DTNBP1: variants seen among roughly 807,000 people sequenced by gnomAD.
The protein encoded by DTNBP1 is dysbindin.
A neutral mutation model predicts 42.8 loss-of-function variants in DTNBP1; 35 were observed. That is an observed-to-expected ratio of 0.82 (90% CI 0.63 to 1.09). The LOEUF is 1.09. Among genes scored for constraint, DTNBP1 ranks in the 50% least tolerant of loss-of-function variants. The probability of loss-of-function intolerance (pLI) is 0.00; values close to 1 mark genes in which losing one functional copy is unlikely to be tolerated. For synonymous variants in DTNBP1, 171 were observed against 162.2 expected, an observed-to-expected ratio of 1.05 and a Z score of -0.41; for missense variants, 457 against 424.2, an observed-to-expected ratio of 1.08 and a Z score of -0.68.
At position 15,627,425 on chromosome 6, in the gene DTNBP1, C is replaced by T. The variant is rs1449951366; in HGVS notation, c.273G>A (p.Lys91=). The T allele has an allele frequency of 6.2e-7, 1 of 1,613,960 alleles. No homozygotes were observed. Among genetic ancestry groups the T allele is most frequent in the Non-Finnish European group, 8.5e-7 (1 of 1,179,956 alleles). Residue 91 remains lysine (K), a synonymous_variant, in exon 5 of 10, where the codon AAG becomes AAA. Transcript: ENST00000344537. The stretch of plus-strand genomic sequence containing the variant: ...GCTCTTGCAGCTCCACGAGGCTTGT[C>T]TTTTTCTTCTCCCAGTGCGCAGAAA... ...VMLSAHWEKK[K]TSLVELQEQL... is the part of the protein sequence containing the mutation.
intron 7 of DTNBP1, among the ~76,000 whole-genome samples, chr6:15,540,018 A>G (rs1309217215): frequency 6.6e-6 from 1 of 152,200 alleles, no homozygotes; most frequent in African/African-American, 2.4e-5. Flanking sequence ...GCTAATATTA[A>G]TACCAGCATT....
At chr6:15,650,186 A>G (rs1760905926) in intron 3 of DTNBP1, among the ~76,000 whole-genome samples, 1 of 152,238 alleles carries the variant, frequency 6.6e-6, no homozygotes, top group Non-Finnish European at 1.5e-5. Context: ...ACCCTCTCCC[A>G]CATACATCTT....
intron 6 of DTNBP1, among the ~76,000 whole-genome samples, chr6:15,610,973 A>T (rs996437718): frequency 6.6e-6 from 1 of 152,244 alleles, no homozygotes; most frequent in African/African-American, 2.4e-5. Context: ...ATAACTGATG[A>T]AGGTGGCTAT....
intron 7 of DTNBP1, among the ~76,000 whole-genome samples, chr6:15,559,584 G>A (rs1309587933): frequency 6.6e-6 from 1 of 152,160 alleles, no homozygotes; most frequent in African/African-American, 2.4e-5. Context: ...GTGGTCTGCT[G>A]CTGGTGTGAT....
intron 8 of DTNBP1, among the ~76,000 whole-genome samples, chr6:15,532,000 C>G (rs1581702683): frequency 1.3e-5 from 2 of 152,178 alleles, no homozygotes; most frequent in East Asian, 3.8e-4. Flanking sequence ...AGAAACACTC[C>G]TGGGAGATGT....
intron 7 of DTNBP1, among the ~76,000 whole-genome samples, chr6:15,556,203 C>T (rs1369656855): frequency 6.1e-5 from 9 of 146,488 alleles, no homozygotes; most frequent in South Asian, 2.1e-4. Flanking sequence ...TTTTTTGAGA[C>T]GGAGTTTTGC....
intron 7 of DTNBP1, among the ~76,000 whole-genome samples, chr6:15,590,317 A>G (rs897668777): frequency 6.6e-6 from 1 of 152,122 alleles, no homozygotes; most frequent in Non-Finnish European, 1.5e-5. Flanking sequence ...TCATTGTCAA[A>G]TCCAACAGGC....
intron 4 of DTNBP1, among the ~76,000 whole-genome samples, chr6:15,635,664 T>G (rs575573789): frequency 1.3e-5 from 2 of 152,336 alleles, no homozygotes; most frequent in Admixed American, 6.5e-5. Context: ...TCTCACCTGG[T>G]TCAACCTAAA....
In DTNBP1 at chr6:15,524,149, CGAAGAGG is replaced by C. The variant is rs1772167437; in HGVS notation, c.811+370_811+376del. The C allele has an allele frequency of 2.1e-6, 3 of 1,404,416 alleles. No homozygotes were observed. The East Asian group carries it at 1.1e-4, about 49-fold the overall frequency. The allele number at this position is 1,404,416 out of a possible 1,614,324, so 87.0% of individuals were successfully genotyped here. A position where few individuals can be genotyped will look rare whatever the true frequency, so the allele number is the denominator to read the frequency against. On this transcript the variant is annotated intron_variant, in intron 9 of 9. Coordinates refer to ENST00000344537, the MANE Select transcript of DTNBP1 (RefSeq NM_032122.5). ...GGCACGCCCCTAAATGCCTGTCGCA[CGAAGAGG>C]GAAGAGTTTCCCGTGAGCCCCGCAG...
intron 4 of DTNBP1, among the ~76,000 whole-genome samples, chr6:15,627,906 C>T (rs1463553238): frequency 6.6e-6 from 1 of 151,970 alleles, no homozygotes; most frequent in Non-Finnish European, 1.5e-5. Context: ...AAGAAAAGTT[C>T]CCTAATACAT....
At chr6:15,618,338 T>G (rs1758830962) in intron 5 of DTNBP1, among the ~76,000 whole-genome samples, 2 of 151,976 alleles carry the variant, frequency 1.3e-5, no homozygotes, top group Non-Finnish European at 2.9e-5. Context: ...GAATAGCTAT[T>G]GCCACATGGA....
intron 6 of DTNBP1, among the ~76,000 whole-genome samples, chr6:15,609,707 T>C (rs1205982245): frequency 6.6e-6 from 1 of 152,228 alleles, no homozygotes; most frequent in Non-Finnish European, 1.5e-5. Context: ...TCTACGTATT[T>C]CAGTTGTTTT....
In DTNBP1 at chr6:15,610,454, G is replaced by A. The variant is rs565296682; in HGVS notation, c.488+4813C>T. Among the ~76,000 whole-genome samples, 11 of 152,098 alleles carry A rather than the reference G, an allele frequency of 7.2e-5. No homozygotes were observed. In the East Asian group the frequency reaches 2.1e-3, roughly 29 times the overall value. On this transcript the variant is annotated intron_variant, in intron 6 of 9. Coordinates refer to ENST00000344537, the MANE Select transcript of DTNBP1 (RefSeq NM_032122.5). ...CAATTATTAATAATAACCCTACAATGGCCTCTAATTATTCAAGTGAAAGAA... is the reference window on the plus strand; with the variant it reads ...CAATTATTAATAATAACCCTACAATAGCCTCTAATTATTCAAGTGAAAGAA...
intron 6 of DTNBP1, 119 bp downstream of exon 6, chr6:15,615,148 T>C: frequency 6.7e-7 from 1 of 1,483,358 alleles, no homozygotes; most frequent in Non-Finnish European, 9.4e-7. Context: ...AGCTTATTTA[T>C]CAGTTTTATG....
chr6:15,582,578 A>G (rs1209556853), intron 7 of DTNBP1, among the ~76,000 whole-genome samples: 4 of 152,194 alleles, frequency 2.6e-5, no homozygotes, highest in African/African-American at 9.7e-5. Flanking sequence ...TAAATGAAAG[A>G]AAAAAATCCT....
chr6:15,620,738 T>C (rs1231146286), intron 5 of DTNBP1, among the ~76,000 whole-genome samples: 1 of 152,230 alleles, frequency 6.6e-6, no homozygotes, highest in Non-Finnish European at 1.5e-5. Flanking sequence ...CTTGGTGCAT[T>C]CAGTATCGTG....
intron 7 of DTNBP1, among the ~76,000 whole-genome samples, chr6:15,564,290 G>A (rs900792462): frequency 1.9e-4 from 29 of 151,940 alleles, no homozygotes; most frequent in African/African-American, 7.0e-4. Flanking sequence ...CACAAGTTGG[G>A]AGAAAATACT....
intron 7 of DTNBP1, among the ~76,000 whole-genome samples, chr6:15,542,942 C>T (rs1459367846): frequency 5.9e-5 from 9 of 152,076 alleles, no homozygotes; most frequent in Admixed American, 1.3e-4. Flanking sequence ...TCAGGTGATC[C>T]GCCCACCTGA....
At chr6:15,569,149 C>T (rs1324930326) in intron 7 of DTNBP1, among the ~76,000 whole-genome samples, 1 of 152,190 alleles carries the variant, frequency 6.6e-6, no homozygotes, top group Non-Finnish European at 1.5e-5. Context: ...TAGCACTAGA[C>T]ACTGACCATC....
Sources: gnomAD v4.1 joint callset for allele counts (sites outside exome capture counted in the v4.1 genomes callset) on GRCh38, gnomAD v4.1.1 for gene constraint, MANE v1.5 for transcripts, NCBI Gene and HGNC (gene_info 2026-07-23, HGNC 2026-07-21) for gene names.